The following ELP4 variants were observed in gnomAD, a reference collection of about 807,000 sequenced individuals.
ELP4 encodes elongator complex protein 4.
Under a neutral mutation model 48.9 loss-of-function variants are expected in ELP4, and 51 were observed. That is an observed-to-expected ratio of 1.04 (90% CI 0.83 to 1.32). The LOEUF (loss-of-function observed/expected upper bound fraction) is 1.32, where lower values mean the gene tolerates loss of function less well. ELP4 is among the 40% of genes most tolerant of loss of function. The probability of loss-of-function intolerance (pLI) is 0.00; values close to 1 mark genes in which losing one functional copy is unlikely to be tolerated. For synonymous variants in ELP4, 210 were observed against 189.2 expected (o/e 1.11, Z -0.90); for missense variants, 519 against 514.6 (o/e 1.01, Z -0.08).
chr11:31,548,588 C>G (rs1223230248), intron 3 of ELP4, among the ~76,000 whole-genome samples: 5 of 152,182 alleles, frequency 3.3e-5, no homozygotes. Flanking sequence ...TCAGTGCCAT[C>G]CCTATCAAGC....
At chr11:31,757,257 G>C (rs547156522) in intron 9 of ELP4, among the ~76,000 whole-genome samples, 1 of 152,242 alleles carries the variant, frequency 6.6e-6, no homozygotes, top group Admixed American at 6.5e-5. Context: ...CCTGGGTTTT[G>C]AGTCTACCTA....
Position 31,623,373 on chromosome 11 carries a change from AT to A in ELP4, c.654-3736del, listed in dbSNP as rs1333341233. On this transcript the variant is annotated intron_variant, in intron 5 of 9. Transcript: ENST00000640961. ...TCAGCAAATATATATATATATATAT[AT>A]ATATATATATATATATAAAACTAGA... Among the ~76,000 whole-genome samples, 81 of 109,850 alleles carry A rather than the reference AT, an allele frequency of 7.4e-4. 3 individuals carry two copies. The highest frequency in any genetic ancestry group is 1.2e-3 in the Non-Finnish European group (64 of 54,396). The allele number at this position is 109,850 out of a possible 152,430, so 72.1% of individuals were successfully genotyped here. A position where few individuals can be genotyped will look rare whatever the true frequency, so the allele number is the denominator to read the frequency against.
At chr11:31,603,666 C>A (rs963233030) in intron 4 of ELP4, 102 bp from the exon 5 acceptor site, 6 of 1,265,044 alleles carry the variant, frequency 4.7e-6, no homozygotes, top group Non-Finnish European at 5.5e-6. Context: ...TCCTTATTAG[C>A]TTAAAATTCA....
At chr11:31,594,157 A>G (rs1957634558) in intron 3 of ELP4, among the ~76,000 whole-genome samples, 1 of 152,064 alleles carries the variant, frequency 6.6e-6, no homozygotes, top group African/African-American at 2.4e-5. Context: ...TTTTTTATGT[A>G]TTTTATGGTT....
intron 9 of ELP4, among the ~76,000 whole-genome samples, chr11:31,739,257 A>G (rs1947394293): frequency 6.6e-6 from 1 of 152,212 alleles, no homozygotes; most frequent in African/African-American, 2.4e-5. Flanking sequence ...AGTATACATG[A>G]CTATAATTAA....
intron 3 of ELP4, among the ~76,000 whole-genome samples, chr11:31,542,221 C>T (rs1456388197): frequency 6.6e-6 from 1 of 152,110 alleles, no homozygotes; most frequent in Non-Finnish European, 1.5e-5. Context: ...ACAGTGTTTC[C>T]AAGCCACAGT....
intron 9 of ELP4, among the ~76,000 whole-genome samples, chr11:31,686,225 C>G (rs542223600): frequency 6.6e-6 from 1 of 151,786 alleles, no homozygotes; most frequent in East Asian, 1.9e-4. Context: ...TTTCTCTAAT[C>G]AATACCAAGA....
chr11:31,585,303 G>A (rs372777126), intron 3 of ELP4, among the ~76,000 whole-genome samples: 91 of 152,120 alleles, frequency 6.0e-4, no homozygotes, highest in Middle Eastern at 3.4e-3. Flanking sequence ...CACAGATTTG[G>A]AGATAAAATC....
intron 4 of ELP4, among the ~76,000 whole-genome samples, chr11:31,601,063 C>T (rs1008730409): frequency 9.2e-5 from 14 of 152,024 alleles, no homozygotes; most frequent in African/African-American, 2.7e-4. Flanking sequence ...ATGTTCTTAC[C>T]TAATAAGCTG....
intron 3 of ELP4, among the ~76,000 whole-genome samples, chr11:31,550,775 A>T (rs1355605404): frequency 6.6e-6 from 1 of 152,164 alleles, no homozygotes; most frequent in Non-Finnish European, 1.5e-5. Flanking sequence ...TTTTCTGCCA[A>T]ATCTTTGGAT....
chr11:31,554,243 C>A (rs1322200751), intron 3 of ELP4, among the ~76,000 whole-genome samples: 1 of 152,138 alleles, frequency 6.6e-6, no homozygotes. Context: ...CATCCAGAAA[C>A]CATCCGAGTC....
intron 9 of ELP4, among the ~76,000 whole-genome samples, chr11:31,766,876 G>A (rs936134646): frequency 6.6e-6 from 1 of 151,836 alleles, no homozygotes; most frequent in East Asian, 1.9e-4. Flanking sequence ...TAGCACATAA[G>A]CTATCTTAAT....
intron 9 of ELP4, among the ~76,000 whole-genome samples, chr11:31,686,584 A>T (rs1946166580): frequency 6.6e-6 from 1 of 152,150 alleles, no homozygotes; most frequent in Non-Finnish European, 1.5e-5. Context: ...TTTGTGTTTT[A>T]GAAGTATCAC....
At position 31,674,607 on chromosome 11, in the gene ELP4, G is replaced by C. The variant is rs577581166; in HGVS notation, c.1143+24386G>C. 4.8e-4 allele frequency among the ~76,000 whole-genome samples: 73 copies of C among 152,286 alleles called. No homozygotes were observed. The South Asian group carries it at 0.014, about 29-fold the overall frequency. ...AGTCTCATTTATAAAACTGTGAAAAGAGTTACCATTTTAGTTTGACCCGCC... is the reference window on the plus strand; with the variant it reads ...AGTCTCATTTATAAAACTGTGAAAACAGTTACCATTTTAGTTTGACCCGCC... On this transcript the variant is annotated intron_variant, in intron 9 of 9. Transcript: ENST00000640961.
At chr11:31,738,261 A>T (rs1565133757) in intron 9 of ELP4, among the ~76,000 whole-genome samples, 1 of 146,730 alleles carries the variant, frequency 6.8e-6, no homozygotes, top group Non-Finnish European at 1.5e-5. Flanking sequence ...AAAAAAATTA[A>T]TACTTAGCCA....
intron 9 of ELP4, among the ~76,000 whole-genome samples, chr11:31,737,664 G>A (rs1339126455): frequency 6.6e-6 from 1 of 151,994 alleles, no homozygotes; most frequent in Non-Finnish European, 1.5e-5. Flanking sequence ...ATTCAAAAAT[G>A]GGCAAAGGAC....
chr11:31,568,377 G>C (rs1957145872), intron 3 of ELP4, among the ~76,000 whole-genome samples: 1 of 152,094 alleles, frequency 6.6e-6, no homozygotes, highest in Non-Finnish European at 1.5e-5. Context: ...GCAATTTAAG[G>C]ATTCAACACT....
intron 3 of ELP4, among the ~76,000 whole-genome samples, chr11:31,567,769 C>A (rs1406206553): frequency 6.6e-6 from 1 of 152,062 alleles, no homozygotes; most frequent in Admixed American, 6.5e-5. Context: ...ACTAAGTGTG[C>A]AATAGCATTA....
intron 5 of ELP4, among the ~76,000 whole-genome samples, chr11:31,613,322 T>C (rs1453234955): frequency 1.3e-5 from 2 of 152,200 alleles, no homozygotes; most frequent in African/African-American, 4.8e-5. Context: ...TCCAAAAACC[T>C]AGTGATATGC....
Sources: allele counts gnomAD v4.1 joint callset (sites outside exome capture counted in the v4.1 genomes callset), GRCh38; gene constraint gnomAD v4.1.1; transcripts MANE v1.5; gene names NCBI Gene and HGNC (gene_info 2026-07-23, HGNC 2026-07-21).